Variants in VIPR2 observed in about 807,000 individuals in gnomAD.
VIPR2 encodes the protein vasoactive intestinal peptide receptor 2.
A neutral mutation model predicts 58.0 loss-of-function variants in VIPR2; 48 were observed. The observed-to-expected ratio is 0.83, with a 90% CI of 0.66 to 1.05. VIPR2 has a LOEUF of 1.05. VIPR2 is among the 50% of genes least tolerant of loss of function. VIPR2 has a pLI of 0.00. For synonymous variants in VIPR2, 243 were observed against 235.2 expected (o/e 1.03, Z -0.30); for missense variants, 534 against 558.0 (o/e 0.96, Z 0.43).
chr7:159,116,461 T>G (rs1270744984), intron 2 of VIPR2, among the ~76,000 whole-genome samples: 1 of 152,038 alleles, frequency 6.6e-6, no homozygotes, highest in African/African-American at 2.4e-5. Flanking sequence ...CAGTGACCGG[T>G]GGTCAGTCAC....
chr7:159,066,061 G>A (rs1239423218), intron 4 of VIPR2, among the ~76,000 whole-genome samples: 3 of 148,432 alleles, frequency 2.0e-5, no homozygotes, highest in African/African-American at 7.3e-5. Flanking sequence ...TGCCTGCTCC[G>A]CAGCGTCCGC....
At chr7:159,117,926 A>G (rs1796301559) in intron 2 of VIPR2, among the ~76,000 whole-genome samples, 1 of 152,220 alleles carries the variant, frequency 6.6e-6, no homozygotes, top group Non-Finnish European at 1.5e-5. Context: ...CTTGCCTCCA[A>G]CGCATTTAGA....
intron 5 of VIPR2, among the ~76,000 whole-genome samples, chr7:159,050,072 C>T (rs1854896498): frequency 6.6e-6 from 1 of 152,176 alleles, no homozygotes; most frequent in Non-Finnish European, 1.5e-5. Flanking sequence ...CACGGTGGCT[C>T]ACGCGTGTAA....
At position 159,130,230 on chromosome 7, in the gene VIPR2, G is replaced by A. The variant is rs527395272; in HGVS notation, c.151+12216C>T. Among the ~76,000 whole-genome samples the A allele has an allele frequency of 2.3e-4, 35 of 152,308 alleles. No homozygotes were observed. The South Asian group carries it at 7.3e-3, about 32-fold the overall frequency. ...CAAGCTAACTTCGAGAGACTTTTAG[G>A]TTATGGTTTAAGTGATAAGAGCCCT... On this transcript the variant is annotated intron_variant, in intron 2 of 12. Transcript: ENST00000262178.
chr7:159,101,218 C>T lies in VIPR2; in HGVS notation c.357+2539G>A, dbSNP rs199767289. 7.7e-4 allele frequency among the ~76,000 whole-genome samples: 69 copies of T among 89,530 alleles called. 1 individual carries two copies. The highest frequency in any genetic ancestry group is 2.4e-3 in the African/African-American group (59 of 24,238). The allele number at this position is 89,530 out of a possible 152,430, so 58.7% of individuals were successfully genotyped here. On this transcript the variant is annotated intron_variant, in intron 4 of 12. Coordinates refer to ENST00000262178, the MANE Select transcript of VIPR2 (RefSeq NM_003382.5). ...CGGGTCTCACGAGATCCGACGAGGC[C>T]GTTCCCCCGACTGTTCCTGTGATAG...
At chr7:159,106,468 G>A (rs1313844102) in intron 3 of VIPR2, among the ~76,000 whole-genome samples, 2 of 144,116 alleles carry the variant, frequency 1.4e-5, no homozygotes, top group African/African-American at 5.2e-5. Flanking sequence ...GCAGAGAGAG[G>A]CCAGGAAGGG....
intron 6 of VIPR2, among the ~76,000 whole-genome samples, chr7:159,037,103 A>G (rs1476260988): frequency 6.6e-6 from 1 of 152,164 alleles, no homozygotes; most frequent in Non-Finnish European, 1.5e-5. Flanking sequence ...GGACCTTTGT[A>G]TCCGCGGCTC....
intron 2 of VIPR2, among the ~76,000 whole-genome samples, chr7:159,131,242 C>CAGA (rs1281163593): frequency 4.6e-5 from 7 of 152,288 alleles, no homozygotes; most frequent in African/African-American, 1.7e-4. Flanking sequence ...AATGGAAAAC[C>CAGA]TTATCTCCTG....
intron 7 of VIPR2, among the ~76,000 whole-genome samples, 189 bp from the exon 8 acceptor site, chr7:159,036,201 AAC>A (rs1478078111): frequency 2.4e-4 from 36 of 152,230 alleles, no homozygotes; most frequent in African/African-American, 7.7e-4. Flanking sequence ...AAGATAATTA[AAC>A]ACACGCTTGA....
chr7:159,133,241 AGAG>A (rs1202850395), intron 2 of VIPR2, among the ~76,000 whole-genome samples: 2 of 152,310 alleles, frequency 1.3e-5, no homozygotes, highest in Non-Finnish European at 2.9e-5. Flanking sequence ...CTGAGGCTGA[AGAG>A]GAGAAGGACT....
intron 5 of VIPR2, among the ~76,000 whole-genome samples, chr7:159,046,900 C>T (rs1854686051): frequency 6.6e-6 from 1 of 152,104 alleles, no homozygotes; most frequent in Admixed American, 6.5e-5. Context: ...TTCATTTAAG[C>T]CAAACTATTG....
intron 4 of VIPR2, among the ~76,000 whole-genome samples, chr7:159,083,474 C>T (rs1857014672): frequency 1.3e-5 from 2 of 152,244 alleles, no homozygotes; most frequent in Non-Finnish European, 1.5e-5. Context: ...TAAGTCCCTT[C>T]CAGCTCCACC....
intron 2 of VIPR2, among the ~76,000 whole-genome samples, chr7:159,139,292 T>A (rs955525607): frequency 2.0e-5 from 3 of 152,218 alleles, no homozygotes; most frequent in African/African-American, 7.2e-5. Flanking sequence ...ACTGGGGGTT[T>A]CCTAAGCCAG....
At chr7:159,048,191 T>C (rs1436146629) in intron 5 of VIPR2, among the ~76,000 whole-genome samples, 1 of 152,236 alleles carries the variant, frequency 6.6e-6, no homozygotes, top group Admixed American at 6.5e-5. Context: ...TGTTTGCCAA[T>C]TTATGCATTG....
intron 3 of VIPR2, among the ~76,000 whole-genome samples, chr7:159,108,430 G>C (rs1795856636): frequency 6.6e-6 from 1 of 152,246 alleles, no homozygotes. Flanking sequence ...CTGCATTTCA[G>C]ATCATCTAGC....
rs1375064762 is a variant in VIPR2, at chr7:159,098,418, A to G, written c.357+5339T>C. Among the ~76,000 whole-genome samples the G allele has an allele frequency of 6.6e-6, 1 of 151,746 alleles. No homozygotes were observed. The highest frequency in any genetic ancestry group is 1.5e-5 in the Non-Finnish European group (1 of 67,970). On this transcript the variant is annotated intron_variant, in intron 4 of 12. Transcript: ENST00000262178. This position sits in a 1 kb window ranked among gnomAD's most constrained non-coding sequence, Gnocchi z 5.2. ...ACCCTTTACTCAGTGAAGACCTAAGACTCCCCCAGGCCTGAAAGCTGGTCT... is the reference window on the plus strand; with the variant it reads ...ACCCTTTACTCAGTGAAGACCTAAGGCTCCCCCAGGCCTGAAAGCTGGTCT...
At chr7:159,085,012 C>T (rs1857099059) in intron 4 of VIPR2, among the ~76,000 whole-genome samples, 2 of 152,178 alleles carry the variant, frequency 1.3e-5, no homozygotes, top group African/African-American at 4.8e-5. Context: ...GAACACTGCA[C>T]TGTGTAAAAG....
rs3838701 is a variant in VIPR2, at chr7:159,095,816, CTT to C, written c.357+7939_357+7940del. Among the ~76,000 whole-genome samples the C allele has an allele frequency of 4.0e-5, 6 of 150,516 alleles. No homozygotes were observed. Among genetic ancestry groups the C allele is most frequent in the East Asian group, 2.0e-4 (1 of 5,096 alleles). The stretch of plus-strand genomic sequence containing the variant: ...ATCCCTTCAAAACTCTTCCTTCTCT[CTT>C]TTTTTTTTAAGTCTTTAACAGACCT... On this transcript the variant is annotated intron_variant, in intron 4 of 12. Transcript: ENST00000262178. This position sits in a 1 kb window ranked among gnomAD's most constrained non-coding sequence, Gnocchi z 5.2.
Position 159,030,444 on chromosome 7 carries a change from C to G in VIPR2, c.*172G>C. 2 of 679,864 alleles carry G rather than the reference C, an allele frequency of 2.9e-6. No homozygotes were observed. Among genetic ancestry groups the G allele is most frequent in the Non-Finnish European group, 4.5e-6 (2 of 444,232 alleles). The allele number at this position is 679,864 out of a possible 1,614,324, so 42.1% of individuals were successfully genotyped here. A position where few individuals can be genotyped will look rare whatever the true frequency, so the allele number is the denominator to read the frequency against. On this transcript the variant is annotated 3_prime_UTR_variant, in exon 13 of 13. Transcript: ENST00000262178. ...AGTTTAAATCGAGTCAATGACAACA[C>G]GACTCCAATTCCAGGTATGGGGTTT...
Sources: allele counts gnomAD v4.1 joint callset (sites outside exome capture counted in the v4.1 genomes callset), GRCh38; gene constraint gnomAD v4.1.1; non-coding constraint Gnocchi (gnomAD v3.1); transcripts MANE v1.5; gene names NCBI Gene and HGNC (gene_info 2026-07-23, HGNC 2026-07-21).